The following PMM2 variants were observed in gnomAD, a reference collection of about 807,000 sequenced individuals.
The protein encoded by PMM2 is phosphomannomutase 2, also known as mannose-6-phosphate isomerase.
PMM2 carries 35 observed loss-of-function variants against 33.2 expected under a neutral mutation model. The ratio of observed to expected loss-of-function variants is 1.06; its 90% CI spans 0.81 to 1.40. The LOEUF (loss-of-function observed/expected upper bound fraction) is 1.40. Among genes scored for constraint, PMM2 ranks in the 40% most tolerant of loss-of-function variants. PMM2 has a pLI of 0.00. For missense variants in PMM2, 386 were observed against 306.0 expected, an observed-to-expected ratio of 1.26 and a Z score of -1.95; for synonymous variants, 153 against 114.7, an observed-to-expected ratio of 1.33 and a Z score of -2.13.
intron 7 of PMM2, among the ~76,000 whole-genome samples, chr16:8,821,131 T>G (rs2060737191): frequency 6.6e-6 from 1 of 152,166 alleles, no homozygotes; most frequent in Non-Finnish European, 1.5e-5. Context: ...GAGACCCAGG[T>G]CTTCTTGTGT....
chr16:8,812,116 G>C (rs953589032), intron 6 of PMM2, among the ~76,000 whole-genome samples: 1 of 152,186 alleles, frequency 6.6e-6, no homozygotes, highest in Non-Finnish European at 1.5e-5. Flanking sequence ...CGATGTTTTG[G>C]AATCATAGAA....
chr16:8,835,569 T>C (rs892742110), intron 7 of PMM2, among the ~76,000 whole-genome samples: 25 of 152,072 alleles, frequency 1.6e-4, no homozygotes, highest in African/African-American at 5.5e-4. Context: ...GGAGAGTATA[T>C]GGGTTTGGCA....
In PMM2 at chr16:8,806,205, C is replaced by T. The variant is rs567484246; in HGVS notation, c.256-111C>T. ...GTGGGGCATGTCACCATCACTGCTA[C>T]ATCAGCCTACTGATTTTCAGCAATC... On this transcript the variant is annotated intron_variant, in intron 3 of 7. Transcript: ENST00000268261. The T allele has an allele frequency of 1.9e-5, 14 of 755,386 alleles. No homozygotes were observed. The Middle Eastern group carries it at 9.0e-4, about 49-fold the overall frequency. 46.8% of individuals were successfully genotyped at this position (755,386 alleles called of 1,614,324 possible). A position where few individuals can be genotyped will look rare whatever the true frequency, so the allele number is the denominator to read the frequency against.
chr16:8,800,962 C>G (rs1395296131), intron 1 of PMM2, among the ~76,000 whole-genome samples: 2 of 152,224 alleles, frequency 1.3e-5, no homozygotes, highest in African/African-American at 4.8e-5. Context: ...GGATTACAGG[C>G]ATGAGCCTCC....
chr16:8,824,067 A>T (rs1290220415), intron 7 of PMM2, among the ~76,000 whole-genome samples: 1 of 152,256 alleles, frequency 6.6e-6, no homozygotes, highest in Non-Finnish European at 1.5e-5. Flanking sequence ...CAAATTCTGG[A>T]GAAATCAGAG....
chr16:8,825,989 C>A (rs112179932), intron 7 of PMM2, among the ~76,000 whole-genome samples: 1 of 152,078 alleles, frequency 6.6e-6, no homozygotes, highest in African/African-American at 2.4e-5. Context: ...CTTCTGACCT[C>A]GTGATCTGCC....
intron 7 of PMM2, among the ~76,000 whole-genome samples, chr16:8,829,642 C>A (rs1321016168): frequency 6.6e-6 from 1 of 152,174 alleles, no homozygotes; most frequent in Non-Finnish European, 1.5e-5. Context: ...GGGACGCCTT[C>A]CACCGGGAAT....
intron 2 of PMM2, chr16:8,802,390 G>A (rs748284889): frequency 2.4e-6 from 1 of 424,246 alleles, no homozygotes; most frequent in African/African-American, 2.1e-5. Flanking sequence ...TCCTATTTCA[G>A]TGAGTACCTC....
chr16:8,843,693 G>A (rs916999473), intron 7 of PMM2, among the ~76,000 whole-genome samples: 4 of 152,154 alleles, frequency 2.6e-5, no homozygotes, highest in Non-Finnish European at 5.9e-5. Context: ...ACACCTTGAA[G>A]GTGAGGTTAA....
At chr16:8,827,456 C>G (rs2060775595) in intron 7 of PMM2, among the ~76,000 whole-genome samples, 1 of 150,030 alleles carries the variant, frequency 6.7e-6, no homozygotes, top group South Asian at 2.1e-4. Flanking sequence ...AGTGCAATGG[C>G]ATGATCTAAG....
Position 8,812,998 on chromosome 16 carries a change from G to A in PMM2, c.531G>A (p.Gln177=), listed in dbSNP as rs771162235. Residue 177 remains glutamine (Q), a synonymous_variant, in exon 7 of 8, where the codon CAG becomes CAA. Transcript: ENST00000268261. ...GKGLTFSIGG[Q]ISFDVFPDGW... ...CCCGTCCCCACCCGGCAGGAGGCCA[G>A]ATCAGCTTTGATGTCTTTCCTGATG... The A allele has an allele frequency of 6.2e-7, 1 of 1,606,348 alleles. No homozygotes were observed. The highest frequency in any genetic ancestry group is 8.5e-7 in the Non-Finnish European group (1 of 1,172,784).
chr16:8,833,381 C>G (rs971721942), intron 7 of PMM2, among the ~76,000 whole-genome samples: 2 of 152,124 alleles, frequency 1.3e-5, no homozygotes, highest in Non-Finnish European at 2.9e-5. Flanking sequence ...TTTACTTTTG[C>G]GGATCTTCAG....
intron 7 of PMM2, among the ~76,000 whole-genome samples, chr16:8,846,078 C>T (rs1237640369): frequency 6.6e-6 from 1 of 152,232 alleles, no homozygotes; most frequent in Non-Finnish European, 1.5e-5. Flanking sequence ...AAGGCCCTGA[C>T]AGGTTCCCAA....
rs2060939016 is a variant in PMM2 at position 8,847,922 on chromosome 16, C to T, written c.*97C>T. ...CCTCCCACACGTGCTCACCCACCCG[C>T]AGCCTAGGCAGGCTCTGCATGCTAT... is the stretch of plus-strand genomic sequence containing the variant. On this transcript the variant is annotated 3_prime_UTR_variant, in exon 8 of 8. Transcript: ENST00000268261. 2 of 849,028 alleles carry T rather than the reference C, an allele frequency of 2.4e-6. No individual in the cohort carries two copies. The highest frequency in any genetic ancestry group is 1.9e-5 in the Admixed American group (1 of 51,584). 52.6% of individuals were successfully genotyped at this position (849,028 alleles called of 1,614,324 possible). A position where few individuals can be genotyped will look rare whatever the true frequency, so the allele number is the denominator to read the frequency against.
intron 7 of PMM2, among the ~76,000 whole-genome samples, chr16:8,836,816 T>G (rs2060851354): frequency 6.6e-6 from 1 of 152,036 alleles, no homozygotes; most frequent in African/African-American, 2.4e-5. Context: ...TGGGCTGGAT[T>G]TTTATATTTG....
chr16:8,841,977 C>T (rs375906568), intron 7 of PMM2, among the ~76,000 whole-genome samples: 3 of 139,718 alleles, frequency 2.1e-5, no homozygotes, highest in African/African-American at 8.0e-5. Flanking sequence ...GTGATTTTTA[C>T]GGCCTCTAAA....
At chr16:8,820,775 C>T (rs1244828201) in intron 7 of PMM2, among the ~76,000 whole-genome samples, 2 of 152,212 alleles carry the variant, frequency 1.3e-5, no homozygotes, top group Non-Finnish European at 2.9e-5. Context: ...GGTCCACAAC[C>T]AGCGTCTGCT....
intron 7 of PMM2, among the ~76,000 whole-genome samples, chr16:8,846,375 A>C (rs2060925715): frequency 6.6e-6 from 1 of 152,128 alleles, no homozygotes; most frequent in Non-Finnish European, 1.5e-5. Context: ...TGTTCATTGT[A>C]TTGTAAAGCA....
intron 7 of PMM2, among the ~76,000 whole-genome samples, chr16:8,845,795 C>T (rs79350399): frequency 2.1e-5 from 3 of 140,014 alleles, no homozygotes; most frequent in South Asian, 2.3e-4. Context: ...TGAAAGAAAT[C>T]TTTTTTTTTT....
Sources: allele counts gnomAD v4.1 joint callset (sites outside exome capture counted in the v4.1 genomes callset), GRCh38; gene constraint gnomAD v4.1.1; transcripts MANE v1.5; gene names NCBI Gene and HGNC (gene_info 2026-07-23, HGNC 2026-07-21).